The following PPP3CB variants were observed in gnomAD, a reference collection of about 807,000 sequenced individuals.
The protein encoded by PPP3CB is serine/threonine-protein phosphatase 2B catalytic subunit beta isoform.
PPP3CB carries 8 observed loss-of-function variants against 66.4 expected under a neutral mutation model. The ratio of observed to expected loss-of-function variants is 0.12; its 90% confidence interval spans 0.07 to 0.22. The LOEUF (loss-of-function observed/expected upper bound fraction) is 0.22. Among genes scored for constraint, PPP3CB ranks in the 10% least tolerant of loss-of-function variants. The pLI, the probability that PPP3CB is intolerant of heterozygous loss-of-function variation, is 1.00. For missense variants in PPP3CB, 319 were observed against 642.5 expected (o/e 0.50, Z 5.44); for synonymous variants, 208 against 221.2 (o/e 0.94, Z 0.53).
At chr10:73,484,916 G>A (rs1417740016) in intron 1 of PPP3CB, among the ~76,000 whole-genome samples, 1 of 152,028 alleles carries the variant, frequency 6.6e-6, no homozygotes. Context: ...GCCCGGGCAT[G>A]GTGGTGCACA....
In PPP3CB at chr10:73,495,823, C is replaced by G. The variant is rs773558588; in HGVS notation, c.67G>C (p.Ala23Pro). Reference protein sequence around the residue: ...PPPPPPPPPGADRVVKAVPFP... With the variant: ...PPPPPPPPPGPDRVVKAVPFP... ...CTCTCACCTTTGACGACGCGGTCAGCCCCGGGAGGGGGCGGCGGGGGCGGG... is the reference window on the plus strand; with the variant it reads ...CTCTCACCTTTGACGACGCGGTCAGGCCCGGGAGGGGGCGGCGGGGGCGGG... Residue 23 changes from alanine (A) to proline (P), a missense_variant, in exon 1 of 14, where the codon GCT becomes CCT. Coordinates refer to ENST00000360663, the MANE Select transcript of PPP3CB (RefSeq NM_021132.4). 7.7e-6 allele frequency: 12 copies of G among 1,553,312 alleles called. No homozygotes were observed. Among genetic ancestry groups the G allele is most frequent in the Non-Finnish European group, 1.0e-5 (12 of 1,151,674 alleles).
chr10:73,474,122 A>T (rs1334623408), intron 4 of PPP3CB, among the ~76,000 whole-genome samples: 1 of 151,858 alleles, frequency 6.6e-6, no homozygotes, highest in African/African-American at 2.4e-5. Flanking sequence ...GGCTCACTGC[A>T]ACCTCCGCCT....
At chr10:73,438,605 A>T (rs2056101053) in intron 13 of PPP3CB, among the ~76,000 whole-genome samples, 185 bp from the exon 14 acceptor site, 1 of 152,202 alleles carries the variant, frequency 6.6e-6, no homozygotes, top group African/African-American at 2.4e-5. Flanking sequence ...TTAAACCTAA[A>T]TATAAACATC....
intron 1 of PPP3CB, among the ~76,000 whole-genome samples, chr10:73,494,919 T>C (rs1211061915): frequency 1.3e-5 from 2 of 152,224 alleles, no homozygotes; most frequent in Non-Finnish European, 2.9e-5. Context: ...TTGAGGTTGG[T>C]AGGCTCTCCC....
At chr10:73,449,801 C>CTT (rs767489105) in intron 10 of PPP3CB, among the ~76,000 whole-genome samples, 1 of 146,108 alleles carries the variant, frequency 6.8e-6, no homozygotes. Context: ...CTAATCTTAG[C>CTT]TTTTTTTTTT....
intron 1 of PPP3CB, among the ~76,000 whole-genome samples, chr10:73,483,805 A>G (rs1023728406): frequency 6.6e-6 from 1 of 152,188 alleles, no homozygotes; most frequent in Non-Finnish European, 1.5e-5. Context: ...AATTTGGCCT[A>G]AAATAAGTTG....
chr10:73,482,627 T>C (rs1474877856), intron 1 of PPP3CB, among the ~76,000 whole-genome samples: 1 of 151,652 alleles, frequency 6.6e-6, no homozygotes, highest in Non-Finnish European at 1.5e-5. Flanking sequence ...TATTTATTTA[T>C]TTATTTTGAG....
At chr10:73,487,178 T>A (rs2056992616) in intron 1 of PPP3CB, among the ~76,000 whole-genome samples, 1 of 151,296 alleles carries the variant, frequency 6.6e-6, no homozygotes, top group East Asian at 2.0e-4. Context: ...AAAAGAAAAC[T>A]AGTCATCATA....
rs1432962037 is a variant in PPP3CB, at chr10:73,443,277, A to AC, written c.1366+1447_1366+1448insG. Reference sequence around the variant, plus strand: ...GAGAGAGAGAGAGAGAGAAAGAAAGAAAGAAAGACAGAAAGAAAGAAAGAA... The same window carrying AC: ...GAGAGAGAGAGAGAGAGAAAGAAAGACAAGAAAGACAGAAAGAAAGAAAGAA... On this transcript the variant is annotated intron_variant, in intron 12 of 13. Coordinates refer to ENST00000360663, the MANE Select transcript of PPP3CB (RefSeq NM_021132.4). Among the ~76,000 whole-genome samples the AC allele has an allele frequency of 3.8e-3, 512 of 135,810 alleles. 6 individuals are homozygous for AC. Among genetic ancestry groups the AC allele is most frequent in the African/African-American group, 0.015 (491 of 31,812 alleles). The allele number at this position is 135,810 out of a possible 152,430, so 89.1% of individuals were successfully genotyped here.
At chr10:73,470,029 T>C (rs1004807184) in intron 8 of PPP3CB, among the ~76,000 whole-genome samples, 2 of 152,168 alleles carry the variant, frequency 1.3e-5, no homozygotes, top group Non-Finnish European at 2.9e-5. Context: ...TTTCTGTCAA[T>C]AAACTGTATT....
intron 4 of PPP3CB, among the ~76,000 whole-genome samples, chr10:73,472,820 A>C (rs555238117): frequency 6.6e-6 from 1 of 152,320 alleles, no homozygotes; most frequent in African/African-American, 2.4e-5. Flanking sequence ...AAACACAAGA[A>C]AGACAAAACT....
At chr10:73,459,512 G>T (rs1444233709) in intron 9 of PPP3CB, among the ~76,000 whole-genome samples, 1 of 152,192 alleles carries the variant, frequency 6.6e-6, no homozygotes, top group East Asian at 1.9e-4. Context: ...CATAAAACTT[G>T]CACATGCATA....
At chr10:73,448,531 C>A in intron 10 of PPP3CB, 1 of 420,652 alleles carries the variant, frequency 2.4e-6, no homozygotes, top group South Asian at 1.9e-5. Context: ...ACAGATAAAA[C>A]TTAAGCTAAA....
chr10:73,444,651 A>G, intron 12 of PPP3CB, 74 bp downstream of exon 12: 1 of 1,599,536 alleles, frequency 6.3e-7, no homozygotes, highest in Non-Finnish European at 8.5e-7. Flanking sequence ...TGCATGCATT[A>G]TGTGAATTGT....
At chr10:73,459,464 C>A (rs965498241) in intron 9 of PPP3CB, among the ~76,000 whole-genome samples, 1 of 152,214 alleles carries the variant, frequency 6.6e-6, no homozygotes, top group African/African-American at 2.4e-5. Context: ...CCAGCCTGGG[C>A]GACAGAGCAA....
intron 1 of PPP3CB, among the ~76,000 whole-genome samples, chr10:73,490,284 C>T (rs2057050946): frequency 6.6e-6 from 1 of 152,174 alleles, no homozygotes; most frequent in African/African-American, 2.4e-5. Context: ...GGCTCAGCAA[C>T]TTACCTGGCA....
At position 73,452,041 on chromosome 10, in the gene PPP3CB, C is replaced by T. The variant is rs907333215; in HGVS notation, c.1186+2371G>A. 2.6e-5 allele frequency among the ~76,000 whole-genome samples: 4 copies of T among 151,854 alleles called. No individual in the cohort carries two copies. In the East Asian group the frequency reaches 5.9e-4, roughly 22 times the overall value. ...GATTACAGGCGTGAGCCACCACACC[C>T]GGCTGGAAGCCTCATCTCTTAAAAA... On this transcript the variant is annotated intron_variant, in intron 10 of 13. Coordinates refer to ENST00000360663, the MANE Select transcript of PPP3CB (RefSeq NM_021132.4).
chr10:73,451,830 C>T (rs894662795), intron 10 of PPP3CB, among the ~76,000 whole-genome samples: 1 of 150,926 alleles, frequency 6.6e-6, no homozygotes, highest in Non-Finnish European at 1.5e-5. Flanking sequence ...ACTGTAACCT[C>T]CGCCTCCTGG....
At chr10:73,483,571 C>T (rs192000413) in intron 1 of PPP3CB, among the ~76,000 whole-genome samples, 2 of 152,148 alleles carry the variant, frequency 1.3e-5, no homozygotes, top group African/African-American at 2.4e-5. Flanking sequence ...GCAGGAGAAT[C>T]GCTTGAACCG....
Sources: allele counts gnomAD v4.1 joint callset (sites outside exome capture counted in the v4.1 genomes callset), GRCh38; gene constraint gnomAD v4.1.1; transcripts MANE v1.5; gene names NCBI Gene and HGNC (gene_info 2026-07-23, HGNC 2026-07-21).